The following LSAMP variants were observed in gnomAD, a reference collection of about 807,000 sequenced individuals.
LSAMP encodes limbic system-associated membrane protein.
Under a neutral mutation model 38.6 loss-of-function variants are expected in LSAMP, and 7 were observed. The ratio of observed to expected loss-of-function variants is 0.18; its 90% CI spans 0.10 to 0.34. The LOEUF (loss-of-function observed/expected upper bound fraction) is 0.34. Ranked by LOEUF, LSAMP falls within the 10% of genes least tolerant of loss-of-function variation. The pLI is 1.00. For missense variants in LSAMP, 313 were observed against 420.0 expected, an observed-to-expected ratio of 0.75 and a Z score of 2.23; for synonymous variants, 154 against 166.8, an observed-to-expected ratio of 0.92 and a Z score of 0.59.
At chr3:116,124,788 A>G (rs577660061) in intron 1 of LSAMP, among the ~76,000 whole-genome samples, 1 of 152,320 alleles carries the variant, frequency 6.6e-6, no homozygotes, top group East Asian at 1.9e-4. Context: ...GGTCATACAC[A>G]CTCAAAGAGA....
intron 1 of LSAMP, among the ~76,000 whole-genome samples, chr3:116,136,678 CACTTATT>C (rs1285322315): frequency 2.0e-5 from 3 of 152,040 alleles, no homozygotes; most frequent in Non-Finnish European, 4.4e-5. Flanking sequence ...TCCACTTGTT[CACTTATT>C]ATTTTCTCAG....
chr3:115,816,160 T>G (rs1934010320), intron 6 of LSAMP, among the ~76,000 whole-genome samples: 1 of 152,196 alleles, frequency 6.6e-6, no homozygotes, highest in Non-Finnish European at 1.5e-5. Flanking sequence ...TAGCATTTAT[T>G]GGACTTGTAA....
intron 1 of LSAMP, among the ~76,000 whole-genome samples, chr3:116,414,040 G>T (rs917114155): frequency 6.6e-6 from 1 of 152,078 alleles, no homozygotes. Flanking sequence ...AAGGCGGCTG[G>T]ATGAAAATAT....
intron 1 of LSAMP, among the ~76,000 whole-genome samples, chr3:116,203,654 G>GT (rs1463626639): frequency 6.7e-6 from 1 of 149,236 alleles, no homozygotes; most frequent in Non-Finnish European, 1.5e-5. Flanking sequence ...GCGGTGTTTG[G>GT]TTTTTTTGTT....
At chr3:115,821,884 T>G (rs1934251576) in intron 6 of LSAMP, among the ~76,000 whole-genome samples, 1 of 152,200 alleles carries the variant, frequency 6.6e-6, no homozygotes, top group South Asian at 2.1e-4. Flanking sequence ...CCATGGAAAT[T>G]TATGGGTTTT....
chr3:116,327,181 T>C (rs1355259852), intron 1 of LSAMP, among the ~76,000 whole-genome samples: 1 of 152,180 alleles, frequency 6.6e-6, no homozygotes, highest in East Asian at 1.9e-4. Flanking sequence ...ACTCAAGCAG[T>C]GGCCAATGCC....
At chr3:116,317,717 T>C (rs1316111103) in intron 1 of LSAMP, among the ~76,000 whole-genome samples, 1 of 152,124 alleles carries the variant, frequency 6.6e-6, no homozygotes, top group Non-Finnish European at 1.5e-5. Context: ...GTAGTTATAG[T>C]TCATGATTTT....
At chr3:116,016,760 G>GTA (rs1940495708) in intron 3 of LSAMP, among the ~76,000 whole-genome samples, 2 of 152,050 alleles carry the variant, frequency 1.3e-5, no homozygotes, top group African/African-American at 2.4e-5. Context: ...AATTTGAATT[G>GTA]TATATATATA....
At position 115,852,633 on chromosome 3, in the gene LSAMP, T is replaced by C; in HGVS notation, c.515-16A>G. 1 of 1,604,774 alleles carries C rather than the reference T, an allele frequency of 6.2e-7. No homozygotes were observed. Among genetic ancestry groups the C allele is most frequent in the Admixed American group, 1.7e-5 (1 of 58,112 alleles). ...AATTCCCTTCCTGAAAAACAGAGGTTTTCATGATTCTTTTTTAAAGTCTGA... is the reference window on the plus strand; with the variant it reads ...AATTCCCTTCCTGAAAAACAGAGGTCTTCATGATTCTTTTTTAAAGTCTGA... On this transcript the variant is annotated splice_polypyrimidine_tract_variant and intron_variant, in intron 3 of 6. Transcript: ENST00000490035.
chr3:115,905,932 G>A (rs1297845102), intron 3 of LSAMP, among the ~76,000 whole-genome samples: 1 of 152,074 alleles, frequency 6.6e-6, no homozygotes, highest in African/African-American at 2.4e-5. Context: ...TGAAGAAGTG[G>A]GATGAGGCTA....
At chr3:116,005,324 G>A (rs1940124936) in intron 3 of LSAMP, among the ~76,000 whole-genome samples, 1 of 152,012 alleles carries the variant, frequency 6.6e-6, no homozygotes. Context: ...ATCTCCATAT[G>A]AGGACTGTAT....
chr3:116,200,690 A>C (rs2045977091), intron 1 of LSAMP, among the ~76,000 whole-genome samples: 1 of 152,226 alleles, frequency 6.6e-6, no homozygotes, highest in African/African-American at 2.4e-5. Flanking sequence ...GGTTAAAGCT[A>C]CATCTTGTGA....
intron 3 of LSAMP, among the ~76,000 whole-genome samples, chr3:115,995,601 TC>T (rs1023180346): frequency 2.6e-4 from 40 of 151,812 alleles, no homozygotes; most frequent in Admixed American, 4.6e-4. Flanking sequence ...TAGGGTTTTT[TC>T]CCCCCAATAA....
intron 3 of LSAMP, among the ~76,000 whole-genome samples, chr3:115,925,064 T>C (rs950322072): frequency 5.3e-5 from 8 of 152,206 alleles, no homozygotes; most frequent in African/African-American, 1.9e-4. Flanking sequence ...AGTCTGCTCC[T>C]TGGTTCTGCC....
At position 116,200,577 on chromosome 3, in the gene LSAMP, C is replaced by A. The variant is rs531972088; in HGVS notation, c.156-114021G>T. Among the ~76,000 whole-genome samples the A allele has an allele frequency of 4.0e-4, 61 of 152,196 alleles. 1 individual carries two copies. The highest frequency in any genetic ancestry group is 1.3e-4 in the Non-Finnish European group (9 of 68,044). On this transcript the variant is annotated intron_variant, in intron 1 of 6. Transcript: ENST00000490035. ...ATGACCCCAAACAGGAGACACATAG[C>A]CCCCAGGGGCTTCAAATATTCTTTG...
intron 3 of LSAMP, among the ~76,000 whole-genome samples, chr3:115,981,247 GA>G (rs1456670615): frequency 6.6e-6 from 1 of 152,152 alleles, no homozygotes; most frequent in Non-Finnish European, 1.5e-5. Context: ...TGAGTTCTCA[GA>G]AAGATGTCAG....
chr3:116,129,481 T>A (rs1174121226), intron 1 of LSAMP, among the ~76,000 whole-genome samples: 1 of 152,172 alleles, frequency 6.6e-6, no homozygotes, highest in Non-Finnish European at 1.5e-5. Flanking sequence ...TAGATTTTAT[T>A]TACAAAAAGG....
At chr3:115,838,960 C>G (rs773593175) in intron 6 of LSAMP, among the ~76,000 whole-genome samples, 3 of 152,154 alleles carry the variant, frequency 2.0e-5, no homozygotes, top group Admixed American at 6.5e-5. Flanking sequence ...CGCTGGCTGG[C>G]AGAGGCTCAC....
intron 1 of LSAMP, among the ~76,000 whole-genome samples, chr3:116,260,546 A>G (rs1298655652): frequency 2.6e-5 from 4 of 152,190 alleles, no homozygotes; most frequent in Non-Finnish European, 5.9e-5. Context: ...TTCTCAGTGC[A>G]TAATCTTTGG....
Sources: allele counts gnomAD v4.1 joint callset (sites outside exome capture counted in the v4.1 genomes callset), GRCh38; gene constraint gnomAD v4.1.1; transcripts MANE v1.5; gene names NCBI Gene and HGNC (gene_info 2026-07-23, HGNC 2026-07-21).